HIP1: variants seen among roughly 807,000 people sequenced by gnomAD.
The protein encoded by HIP1 is huntingtin interacting protein 1.
Under a neutral mutation model 147.6 loss-of-function variants are expected in HIP1, and 65 were observed. That is an observed-to-expected ratio of 0.44 (90% CI 0.36 to 0.54). HIP1 has a LOEUF of 0.54. Among genes scored for constraint, HIP1 ranks in the 20% least tolerant of loss-of-function variants. The pLI, the probability that HIP1 is intolerant of heterozygous loss-of-function variation, is 0.00. For missense variants in HIP1, 1,061 were observed against 1,299.6 expected (o/e 0.82, Z 2.82); for synonymous variants, 479 against 504.0 (o/e 0.95, Z 0.67).
intron 1 of HIP1, among the ~76,000 whole-genome samples, chr7:75,732,578 G>T (rs961642108): frequency 6.6e-6 from 1 of 152,116 alleles, no homozygotes; most frequent in Middle Eastern, 3.4e-3. Flanking sequence ...ACAGGGTCTC[G>T]CTATGTTGCC....
intron 1 of HIP1, among the ~76,000 whole-genome samples, chr7:75,685,845 G>A (rs1052665491): frequency 1.3e-5 from 2 of 152,104 alleles, no homozygotes; most frequent in African/African-American, 2.4e-5. Flanking sequence ...CACTGCGCCC[G>A]GCCTGTCAGT....
intron 4 of HIP1, among the ~76,000 whole-genome samples, chr7:75,591,034 A>AT (rs34986049): frequency 0.034 from 4,890 of 142,378 alleles, 119 homozygotes; most frequent in African/African-American, 0.065. Flanking sequence ...AACCAGGGAG[A>AT]TTTTTTTTTT....
chr7:75,732,783 A>G lies in HIP1; in HGVS notation c.120+6018T>C, dbSNP rs75364537. 1.9e-3 allele frequency among the ~76,000 whole-genome samples: 294 copies of G among 152,240 alleles called. 5 individuals are homozygous for G. The highest frequency in any genetic ancestry group is 6.7e-3 in the African/African-American group (279 of 41,556). On this transcript the variant is annotated intron_variant, in intron 1 of 30. Coordinates refer to ENST00000336926, the MANE Select transcript of HIP1 (RefSeq NM_005338.7). ...TACAGAGCACTGTTGCTCAAACATCAGCGTACACAGAGTACCCAGGGCTGT... is the reference window on the plus strand; with the variant it reads ...TACAGAGCACTGTTGCTCAAACATCGGCGTACACAGAGTACCCAGGGCTGT...
At chr7:75,673,407 G>C (rs1342808228) in intron 1 of HIP1, among the ~76,000 whole-genome samples, 3 of 151,950 alleles carry the variant, frequency 2.0e-5, no homozygotes, top group African/African-American at 4.8e-5. Flanking sequence ...GTCTATTTCT[G>C]CAAAAAGGCA....
At chr7:75,559,699 C>CCGGGG in intron 14 of HIP1, 33 bp downstream of exon 14, 79 of 1,226,440 alleles carry the variant, frequency 6.4e-5, no homozygotes, top group East Asian at 1.5e-4. Flanking sequence ...CGCCTGCCCC[C>CCGGGG]GGGGCCCGCC....
At chr7:75,675,797 A>G (rs533832492) in intron 1 of HIP1, among the ~76,000 whole-genome samples, 1 of 152,218 alleles carries the variant, frequency 6.6e-6, no homozygotes, top group African/African-American at 2.4e-5. Flanking sequence ...TGGGCAACAT[A>G]GTGAGATGCT....
At chr7:75,680,071 C>G (rs1012195785) in intron 1 of HIP1, among the ~76,000 whole-genome samples, 1 of 152,216 alleles carries the variant, frequency 6.6e-6, no homozygotes, top group Non-Finnish European at 1.5e-5. Context: ...GAGACAGAGT[C>G]TCACTGTGTC....
intron 6 of HIP1, 129 bp downstream of exon 6, chr7:75,581,946 T>C: frequency 1.4e-6 from 1 of 694,844 alleles, no homozygotes; most frequent in Non-Finnish European, 2.5e-6. Context: ...CAAGGCCAAG[T>C]CACCCAGGGG....
intron 29 of HIP1, 146 bp downstream of exon 29, chr7:75,541,773 T>C (rs982062000): frequency 8.4e-6 from 5 of 593,376 alleles, no homozygotes; most frequent in Non-Finnish European, 1.2e-5. Context: ...CTACCTCCAC[T>C]GTTTCTTCCG....
intron 1 of HIP1, among the ~76,000 whole-genome samples, chr7:75,676,402 T>C (rs1799889309): frequency 6.6e-6 from 1 of 152,150 alleles, no homozygotes; most frequent in African/African-American, 2.4e-5. Flanking sequence ...TATTATTGCC[T>C]TCTGAAGTCC....
In HIP1 at chr7:75,738,908, C is replaced by T. The variant is rs201813763; in HGVS notation, c.13G>A (p.Ala5Thr). 2.3e-4 allele frequency: 352 copies of T among 1,553,678 alleles called. 1 individual carries two copies. In the African/African-American group the frequency reaches 3.5e-3, roughly 16 times the overall value. ...TTGGGCACCTGCTTCATGGAGCTGG[C>T]CATCCGATCCATGTCGCCGCGAGGA... MDRMASSMKQVPNPL... is the reference protein window; with the variant it reads MDRMTSSMKQVPNPL... The change falls in exon 1 of 31, where the codon GCC becomes ACC. Residue 5 changes from alanine to threonine, a missense_variant. This residue lies in a region of HIP1 where 225 missense variants were observed against 292.9 expected (regional missense o/e 0.77). Coordinates refer to ENST00000336926, the MANE Select transcript of HIP1 (RefSeq NM_005338.7).
intron 1 of HIP1, among the ~76,000 whole-genome samples, chr7:75,696,673 T>G (rs1554518797): frequency 1.3e-5 from 2 of 149,054 alleles, no homozygotes; most frequent in African/African-American, 4.9e-5. Flanking sequence ...TGATCTTGGC[T>G]CACTGCAGCC....
At chr7:75,553,624 A>T in intron 21 of HIP1, 35 bp from the exon 22 acceptor site, 1 of 1,597,094 alleles carries the variant, frequency 6.3e-7, no homozygotes, top group East Asian at 2.3e-5. Flanking sequence ...TTTTTTTTTG[A>T]GATGGAGTCT....
intron 1 of HIP1, among the ~76,000 whole-genome samples, chr7:75,687,624 G>A (rs1293361430): frequency 7.2e-5 from 11 of 152,200 alleles, no homozygotes; most frequent in Admixed American, 3.9e-4. Flanking sequence ...CCAGGAGGCA[G>A]AGGTTGCAGT....
At chr7:75,732,351 TTTTG>T (rs1435676059) in intron 1 of HIP1, among the ~76,000 whole-genome samples, 3 of 152,060 alleles carry the variant, frequency 2.0e-5, no homozygotes, top group Admixed American at 6.6e-5. Context: ...CACCGACTTT[TTTTG>T]TTTGTTTCTG....
chr7:75,723,971 A>AGAG (rs1563314246), intron 1 of HIP1, among the ~76,000 whole-genome samples: 1 of 146,132 alleles, frequency 6.8e-6, no homozygotes, highest in East Asian at 2.1e-4. Context: ...GAGAGAGAGA[A>AGAG]AGAGAGACAG....
chr7:75,544,603 G>A (rs1460680015), intron 27 of HIP1, 92 bp downstream of exon 27: 1 of 780,470 alleles, frequency 1.3e-6, no homozygotes, highest in Non-Finnish European at 2.3e-6. Context: ...ACTCAGCCAA[G>A]TACTGCCTAA....
At chr7:75,639,241 G>T (rs1798555942) in intron 1 of HIP1, 1 of 968,164 alleles carries the variant, frequency 1.0e-6, no homozygotes, top group African/African-American at 1.8e-5. Context: ...ACCGGAGAAA[G>T]GAAGGGGAGG....
chr7:75,601,172 T>C (rs1031388077), intron 1 of HIP1, among the ~76,000 whole-genome samples: 91 of 152,268 alleles, frequency 6.0e-4, no homozygotes, highest in African/African-American at 1.9e-3. Context: ...GATGATACAA[T>C]GTCTAAGATT....
Sources: allele counts gnomAD v4.1 joint callset (sites outside exome capture counted in the v4.1 genomes callset), GRCh38; gene constraint gnomAD v4.1.1; regional missense constraint gnomAD v4.1.1; transcripts MANE v1.5; gene names NCBI Gene and HGNC (gene_info 2026-07-23, HGNC 2026-07-21).